The following DHX9 variants were observed in gnomAD, a reference collection of about 807,000 sequenced individuals.
The protein encoded by DHX9 is DExH-box helicase 9.
In DHX9, 27 loss-of-function variants were observed where a neutral mutation model predicts 148.7. The observed-to-expected ratio is 0.18, with a 90% confidence interval of 0.13 to 0.25. The LOEUF (loss-of-function observed/expected upper bound fraction) is 0.25. DHX9 is among the 10% of genes least tolerant of loss of function. The pLI, the probability that DHX9 is intolerant of heterozygous loss-of-function variation, is 1.00. For synonymous variants in DHX9, 529 were observed against 516.6 expected, an observed-to-expected ratio of 1.02 and a Z score of -0.33; for missense variants, 796 against 1,559.6, an observed-to-expected ratio of 0.51 and a Z score of 8.25.
intron 5 of DHX9, 65 bp downstream of exon 5, chr1:182,853,483 T>C: frequency 8.5e-7 from 1 of 1,175,320 alleles, no homozygotes; most frequent in Admixed American, 2.1e-5. Flanking sequence ...ACAGCAAAGC[T>C]TAGGATTAGG....
At position 182,883,517 on chromosome 1, in the gene DHX9, C is replaced by T. The variant is rs1200713141; in HGVS notation, c.3145-3C>T. On this transcript the variant is annotated splice_polypyrimidine_tract_variant and splice_region_variant and intron_variant, in intron 25 of 27. Coordinates refer to ENST00000367549, the MANE Select transcript of DHX9 (RefSeq NM_001357.5). ...TTTGTATTGTCTCTTTCTCCATTTGCAGATTCGAACTCGAGCCATCTCTGC... is the reference window on the plus strand; with the variant it reads ...TTTGTATTGTCTCTTTCTCCATTTGTAGATTCGAACTCGAGCCATCTCTGC... 4 of 1,612,236 alleles carry T rather than the reference C, an allele frequency of 2.5e-6. No individual in the cohort carries two copies. Among genetic ancestry groups the T allele is most frequent in the Non-Finnish European group, 3.4e-6 (4 of 1,178,652 alleles).
intron 12 of DHX9, among the ~76,000 whole-genome samples, chr1:182,864,869 T>C (rs911040216): frequency 6.6e-6 from 1 of 152,180 alleles, no homozygotes; most frequent in African/African-American, 2.4e-5. Context: ...AGAACTAAAA[T>C]AGATAACTGC....
intron 12 of DHX9, among the ~76,000 whole-genome samples, chr1:182,863,884 A>G (rs1265557167): frequency 6.6e-6 from 1 of 152,208 alleles, no homozygotes; most frequent in African/African-American, 2.4e-5. Flanking sequence ...TAAAAATCCA[A>G]AACCCAGGCC....
At chr1:182,870,828 A>G (rs184789656) in intron 14 of DHX9, among the ~76,000 whole-genome samples, 1 of 152,358 alleles carries the variant, frequency 6.6e-6, no homozygotes, top group East Asian at 1.9e-4. Context: ...AGGTGAAATT[A>G]AACATATTTA....
intron 8 of DHX9, 33 bp from the exon 9 acceptor site, chr1:182,858,518 T>C: frequency 6.5e-7 from 1 of 1,538,830 alleles, no homozygotes; most frequent in Non-Finnish European, 8.9e-7. Flanking sequence ...TAGATTTGAG[T>C]AGTGTTGTTA....
chr1:182,853,919 A>G (rs375881187), intron 5 of DHX9, 111 bp from the exon 6 acceptor site: 3 of 984,028 alleles, frequency 3.0e-6, no homozygotes, highest in Admixed American at 4.9e-5. Context: ...AACTATCAAA[A>G]ACAGCTTTTG....
chr1:182,870,348 A>G (rs1363030566), intron 14 of DHX9, among the ~76,000 whole-genome samples: 4 of 152,246 alleles, frequency 2.6e-5, no homozygotes, highest in African/African-American at 7.2e-5. Context: ...TATGGCCCCA[A>G]ATAGCCAGTA....
intron 7 of DHX9, 62 bp downstream of exon 7, chr1:182,856,640 T>C (rs995268856): frequency 1.3e-6 from 2 of 1,488,256 alleles, no homozygotes; most frequent in African/African-American, 1.4e-5. Flanking sequence ...CTTCACATTT[T>C]AAGTCTTGAG....
intron 14 of DHX9, among the ~76,000 whole-genome samples, chr1:182,867,436 T>G (rs189200266): frequency 6.4e-4 from 98 of 152,336 alleles, no homozygotes; most frequent in Admixed American, 1.0e-3. Context: ...AGAGTCTTGC[T>G]CTGTCACCCA....
chr1:182,860,776 T>TA (rs1386162786), intron 12 of DHX9, among the ~76,000 whole-genome samples: 1 of 152,222 alleles, frequency 6.6e-6, no homozygotes, highest in African/African-American at 2.4e-5. Context: ...TGTATTACCT[T>TA]ACCAGCAATG....
chr1:182,876,432 TTTA>T lies in DHX9; in HGVS notation c.2030-12_2030-10del. 8 of 1,610,234 alleles carry T rather than the reference TTTA, an allele frequency of 5.0e-6. No homozygotes were observed. The highest frequency in any genetic ancestry group is 5.1e-6 in the Non-Finnish European group (6 of 1,176,690). On this transcript the variant is annotated splice_polypyrimidine_tract_variant and intron_variant, in intron 17 of 27. Coordinates refer to ENST00000367549, the MANE Select transcript of DHX9 (RefSeq NM_001357.5). ...TCCTGTTTTTAGTCCCTGATTGTTCTTTATTGTTATATAGGAAGCCATCGGTAT... is the reference window on the plus strand; with the variant it reads ...TCCTGTTTTTAGTCCCTGATTGTTCTTTGTTATATAGGAAGCCATCGGTAT...
rs759158381 is a variant in DHX9, at chr1:182,887,445, T to C, written c.*11T>C. The C allele has an allele frequency of 1.9e-6, 3 of 1,608,556 alleles. No homozygotes were observed. The highest frequency in any genetic ancestry group is 4.5e-5 in the East Asian group (2 of 44,816). On this transcript the variant is annotated 3_prime_UTR_variant, in exon 28 of 28. Transcript: ENST00000367549. ...GGTGGCGGCTATTAAAACTTGGTTA[T>C]GTCAGTTCCTGTGTGTAGACAGTAA...
At position 182,859,103 on chromosome 1, in the gene DHX9, C is replaced by G. The variant is rs906657433; in HGVS notation, c.1126C>G (p.His376Asp). The G allele has an allele frequency of 3.1e-6, 5 of 1,613,774 alleles. No individual in the cohort carries two copies. The African/African-American group carries it at 5.3e-5, about 17-fold the overall frequency. ...ATTGATGTACCAGTTGGAACAGGAT[C>G]ATGATTTGCAAGCAGTAAGTCTGAA... ...NELMYQLEQDHDLQAILQERE... is the reference protein window; with the variant it reads ...NELMYQLEQDDDLQAILQERE... The change falls in exon 11 of 28, where the codon CAT (histidine) becomes GAT (aspartate). Residue 376 changes from histidine to aspartate, a missense_variant. Around this residue, in one of 14 missense-constraint regions of DHX9, gnomAD observed 42 missense variants for 27.1 expected, o/e 1.55. Coordinates refer to ENST00000367549, the MANE Select transcript of DHX9 (RefSeq NM_001357.5).
intron 3 of DHX9, among the ~76,000 whole-genome samples, chr1:182,851,559 A>G (rs1176246326): frequency 1.3e-5 from 2 of 152,214 alleles, no homozygotes; most frequent in African/African-American, 2.4e-5. Flanking sequence ...AAATTTTTAA[A>G]TGTTCTTTGC....
At chr1:182,842,503 G>C in intron 1 of DHX9, 42 bp from the exon 2 acceptor site, 4 of 1,161,352 alleles carry the variant, frequency 3.4e-6, no homozygotes, top group Admixed American at 2.3e-5. Context: ...CCCAGTTTTT[G>C]CTATTATAAA....
chr1:182,876,986 T>C (rs1175117874), intron 19 of DHX9, 83 bp downstream of exon 19: 15 of 939,818 alleles, frequency 1.6e-5, no homozygotes, highest in Non-Finnish European at 2.5e-5. Flanking sequence ...AAAAACACCT[T>C]ATTTTTAAAC....
intron 6 of DHX9, among the ~76,000 whole-genome samples, chr1:182,855,922 C>G (rs1434560257): frequency 2.0e-5 from 3 of 152,126 alleles, no homozygotes; most frequent in African/African-American, 7.2e-5. Flanking sequence ...TATAATGTTA[C>G]AACATGTGTT....
intron 1 of DHX9, among the ~76,000 whole-genome samples, chr1:182,840,553 C>G (rs1367610380): frequency 1.3e-5 from 2 of 152,156 alleles, no homozygotes. Flanking sequence ...CTGCCTTGGC[C>G]TACCAAAGTG....
intron 5 of DHX9, 100 bp downstream of exon 5, chr1:182,853,518 G>A: frequency 1.2e-6 from 1 of 856,356 alleles, no homozygotes; most frequent in Non-Finnish European, 1.8e-6. Flanking sequence ...ATAATTGGGT[G>A]CATCTTTTAA....
Sources: allele counts gnomAD v4.1 joint callset (sites outside exome capture counted in the v4.1 genomes callset), GRCh38; gene constraint gnomAD v4.1.1; regional missense constraint gnomAD v4.1.1; transcripts MANE v1.5; gene names NCBI Gene and HGNC (gene_info 2026-07-23, HGNC 2026-07-21).